The following FAM117A variants were observed in gnomAD, a reference collection of about 807,000 sequenced individuals.
FAM117A encodes the protein family with sequence similarity 117 member A.
Under a neutral mutation model 44.1 loss-of-function variants are expected in FAM117A, and 21 were observed. The ratio of observed to expected loss-of-function variants is 0.48; its 90% confidence interval spans 0.34 to 0.69. The LOEUF is 0.69. Among genes scored for constraint, FAM117A ranks in the 30% least tolerant of loss-of-function variants. The pLI is 0.01. For synonymous variants in FAM117A, 220 were observed against 238.3 expected (o/e 0.92, Z 0.71); for missense variants, 498 against 589.9 (o/e 0.84, Z 1.61).
intron 3 of FAM117A, 33 bp from the exon 4 acceptor site, chr17:49,720,469 A>G (rs2073528762): frequency 6.3e-7 from 1 of 1,591,682 alleles, no homozygotes; most frequent in Admixed American, 1.7e-5. Flanking sequence ...ACAGAGGCAG[A>G]TTAAGGAAAG....
At chr17:49,787,010 C>T (rs1048090557) in intron 1 of FAM117A, among the ~76,000 whole-genome samples, 2 of 151,758 alleles carry the variant, frequency 1.3e-5, no homozygotes, top group African/African-American at 2.4e-5. Context: ...CTTGAGCCCA[C>T]GAGGTGGAGC....
intron 1 of FAM117A, among the ~76,000 whole-genome samples, chr17:49,777,088 A>G (rs1031274507): frequency 6.6e-6 from 1 of 152,180 alleles, no homozygotes; most frequent in Non-Finnish European, 1.5e-5. Context: ...ATGCTGCTGG[A>G]AAGAGTGGCT....
At chr17:49,720,916 T>C (rs1476336536) in intron 3 of FAM117A, among the ~76,000 whole-genome samples, 1 of 152,168 alleles carries the variant, frequency 6.6e-6, no homozygotes, top group African/African-American at 2.4e-5. Context: ...GGTTTCACCA[T>C]GTTGGCCAGG....
At chr17:49,738,469 A>C (rs1423590132) in intron 1 of FAM117A, among the ~76,000 whole-genome samples, 1 of 152,176 alleles carries the variant, frequency 6.6e-6, no homozygotes, top group African/African-American at 2.4e-5. Context: ...AGGAACCCCC[A>C]ATCCAGAATC....
intron 2 of FAM117A, chr17:49,724,445 T>C: frequency 2.2e-6 from 1 of 456,184 alleles, no homozygotes; most frequent in Non-Finnish European, 4.4e-6. Flanking sequence ...CCGCCACGGG[T>C]ACTACTAATA....
chr17:49,748,011 T>C (rs1341141649), intron 1 of FAM117A, among the ~76,000 whole-genome samples: 1 of 152,128 alleles, frequency 6.6e-6, no homozygotes, highest in African/African-American at 2.4e-5. Context: ...CCTCAATATA[T>C]GCTGACAGCT....
intron 3 of FAM117A, 108 bp downstream of exon 3, chr17:49,722,391 T>C: frequency 1.1e-6 from 1 of 882,312 alleles, no homozygotes; most frequent in Non-Finnish European, 1.8e-6. Context: ...CAGGTCAAGA[T>C]AGGAGAGGTG....
intron 5 of FAM117A, among the ~76,000 whole-genome samples, chr17:49,718,510 A>T (rs1326865428): frequency 6.6e-6 from 1 of 151,912 alleles, no homozygotes; most frequent in Non-Finnish European, 1.5e-5. Flanking sequence ...CTACTCAAAG[A>T]TACAAAAAAA....
At chr17:49,769,528 C>T (rs1206398300) in intron 1 of FAM117A, among the ~76,000 whole-genome samples, 2 of 151,522 alleles carry the variant, frequency 1.3e-5, no homozygotes, top group Non-Finnish European at 2.9e-5. Context: ...GAAACCCCAT[C>T]TCTACTAAAA....
rs1555598067 is a variant in FAM117A, at chr17:49,758,638, A to AAT, written c.196+5253_196+5254insAT. Among the ~76,000 whole-genome samples, 17 of 135,196 alleles carry AAT rather than the reference A, an allele frequency of 1.3e-4. 1 individual carries two copies. The East Asian group carries it at 3.9e-3, about 31-fold the overall frequency. 88.7% of individuals were successfully genotyped at this position (135,196 alleles called of 152,430 possible). A position where few individuals can be genotyped will look rare whatever the true frequency, so the allele number is the denominator to read the frequency against. On this transcript the variant is annotated intron_variant, in intron 1 of 7. Coordinates refer to ENST00000240364, the MANE Select transcript of FAM117A (RefSeq NM_030802.4). ...GACTGTCTCAAAAAAAAAAAAAAAT[A>AAT]AAATAAATAAATAAATAAATAAATA...
chr17:49,741,091 A>G (rs992713452), intron 1 of FAM117A, among the ~76,000 whole-genome samples: 2 of 152,150 alleles, frequency 1.3e-5, no homozygotes, highest in South Asian at 4.1e-4. Flanking sequence ...CTCTCCACCC[A>G]TCGTAGTTAT....
At chr17:49,739,158 A>T (rs1290509842) in intron 1 of FAM117A, among the ~76,000 whole-genome samples, 1 of 152,190 alleles carries the variant, frequency 6.6e-6, no homozygotes, top group Non-Finnish European at 1.5e-5. Context: ...GAAGAGATGC[A>T]AATACACTTT....
intron 1 of FAM117A, among the ~76,000 whole-genome samples, chr17:49,772,918 T>C (rs1006443545): frequency 5.9e-5 from 9 of 152,306 alleles, no homozygotes; most frequent in Admixed American, 5.2e-4. Context: ...ATGCCTGTCA[T>C]CCCAGCACTT....
upstream of FAM117A, chr17:49,764,193 T>C: frequency 1.9e-6 from 1 of 527,182 alleles, no homozygotes; most frequent in Admixed American, 3.3e-5. Context: ...GGCCCCCTCA[T>C]CCTAGAGCTG....
chr17:49,726,555 T>G (rs1017996805), intron 2 of FAM117A, among the ~76,000 whole-genome samples: 1 of 152,220 alleles, frequency 6.6e-6, no homozygotes, highest in Non-Finnish European at 1.5e-5. Context: ...AGGTGTGGAC[T>G]ATAGCCCCTC....
chr17:49,715,158 TC>T (rs1216504304), intron 7 of FAM117A, among the ~76,000 whole-genome samples: 1 of 152,112 alleles, frequency 6.6e-6, no homozygotes, highest in African/African-American at 2.4e-5. Flanking sequence ...TCTGGCCTCT[TC>T]CCTCCACAGC....
At chr17:49,718,362 T>A (rs983717727) in intron 5 of FAM117A, among the ~76,000 whole-genome samples, 3 of 152,254 alleles carry the variant, frequency 2.0e-5, no homozygotes, top group Non-Finnish European at 4.4e-5. Context: ...TTAAACTGTG[T>A]CAATATAAAA....
chr17:49,745,647 C>T (rs1415235846), intron 1 of FAM117A, among the ~76,000 whole-genome samples: 1 of 152,164 alleles, frequency 6.6e-6, no homozygotes, highest in East Asian at 1.9e-4. Flanking sequence ...GATCTAACTT[C>T]CCATTTACAG....
intron 1 of FAM117A, among the ~76,000 whole-genome samples, chr17:49,770,921 A>G (rs184907282): frequency 6.6e-6 from 1 of 151,412 alleles, no homozygotes; most frequent in South Asian, 2.1e-4. Context: ...TAAAAATAAA[A>G]ATAGGCTGGG....
Sources: gnomAD v4.1 joint callset for allele counts (sites outside exome capture counted in the v4.1 genomes callset) on GRCh38, gnomAD v4.1.1 for gene constraint, MANE v1.5 for transcripts, NCBI Gene and HGNC (gene_info 2026-07-23, HGNC 2026-07-21) for gene names.